TNFRSF21: variants seen among roughly 807,000 people sequenced by gnomAD.
TNFRSF21 encodes TNF receptor superfamily member 21.
TNFRSF21 carries 19 observed loss-of-function variants against 45.6 expected under a neutral mutation model. The ratio of observed to expected loss-of-function variants is 0.42; its 90% confidence interval spans 0.29 to 0.61. The LOEUF is 0.61. TNFRSF21 is among the 20% of genes least tolerant of loss of function. The probability of loss-of-function intolerance (pLI) is 0.23; values close to 1 mark genes in which losing one functional copy is unlikely to be tolerated. For missense variants in TNFRSF21, 737 were observed against 851.5 expected (o/e 0.87, Z 1.67); for synonymous variants, 314 against 335.5 (o/e 0.94, Z 0.70).
intron 3 of TNFRSF21, among the ~76,000 whole-genome samples, chr6:47,264,340 C>T (rs1217060664): frequency 3.9e-5 from 6 of 152,064 alleles, no homozygotes; most frequent in East Asian, 3.9e-4. Flanking sequence ...CCAGCTTGGC[C>T]GACATGGCGA....
intron 3 of TNFRSF21, among the ~76,000 whole-genome samples, chr6:47,270,961 TAGAGAAAAA>T (rs1762405964): frequency 6.6e-6 from 1 of 151,950 alleles, no homozygotes; most frequent in Non-Finnish European, 1.5e-5. Context: ...ATGACAAGGT[TAGAGAAAAA>T]AGAGTAAAAA....
intron 3 of TNFRSF21, among the ~76,000 whole-genome samples, chr6:47,258,010 C>T (rs555769146): frequency 3.3e-5 from 5 of 152,254 alleles, no homozygotes; most frequent in African/African-American, 4.8e-5. Context: ...CTAGGATGAA[C>T]GCACTCAAGG....
chr6:47,262,705 G>C (rs1275139907), intron 3 of TNFRSF21, among the ~76,000 whole-genome samples: 1 of 152,188 alleles, frequency 6.6e-6, no homozygotes, highest in Admixed American at 6.5e-5. Context: ...TCTGGGCAAA[G>C]GGAGCAGCAG....
chr6:47,253,688 G>C (rs1430605047), intron 3 of TNFRSF21, among the ~76,000 whole-genome samples, 167 bp from the exon 4 acceptor site: 1 of 152,216 alleles, frequency 6.6e-6, no homozygotes, highest in Non-Finnish European at 1.5e-5. Context: ...AGCTCATCTT[G>C]TGGACTAGCT....
intron 3 of TNFRSF21, among the ~76,000 whole-genome samples, chr6:47,268,813 A>T (rs1762372464): frequency 6.6e-6 from 1 of 152,044 alleles, no homozygotes; most frequent in Non-Finnish European, 1.5e-5. Context: ...CATCTACCCT[A>T]TGCCCCTGAT....
chr6:47,246,673 T>A (rs1225933885), intron 4 of TNFRSF21, among the ~76,000 whole-genome samples: 1 of 152,202 alleles, frequency 6.6e-6, no homozygotes, highest in East Asian at 1.9e-4. Flanking sequence ...AAAACAAGGA[T>A]GTAAGTAAAA....
intron 3 of TNFRSF21, among the ~76,000 whole-genome samples, chr6:47,255,487 G>A (rs1032006305): frequency 6.6e-6 from 1 of 151,240 alleles, no homozygotes; most frequent in African/African-American, 2.4e-5. Context: ...TTGAGATGAA[G>A]TTTTGCTCTT....
At chr6:47,267,159 T>G (rs1762345737) in intron 3 of TNFRSF21, among the ~76,000 whole-genome samples, 1 of 151,730 alleles carries the variant, frequency 6.6e-6, no homozygotes, top group East Asian at 1.9e-4. Flanking sequence ...AGTGCAGTGG[T>G]GAGATCTCGG....
intron 3 of TNFRSF21, among the ~76,000 whole-genome samples, chr6:47,261,489 C>T (rs1330371066): frequency 2.0e-5 from 3 of 152,238 alleles, no homozygotes; most frequent in African/African-American, 7.2e-5. Flanking sequence ...CCACTGAGAA[C>T]CTGAGTGGCC....
intron 3 of TNFRSF21, among the ~76,000 whole-genome samples, chr6:47,260,331 C>T (rs1313655020): frequency 6.6e-6 from 1 of 152,194 alleles, no homozygotes; most frequent in African/African-American, 2.4e-5. Context: ...CAGGGCATCA[C>T]AGCAGTACTC....
rs182508558 is a variant in TNFRSF21 at position 47,283,371 on chromosome 6, T to G, written c.1243+567A>C. ...CTGGGGTCTACAATCCAAAAGACCA[T>G]CCTACCCTCCTGATAGACATGGGAT... On this transcript the variant is annotated intron_variant, in intron 3 of 5. Coordinates refer to ENST00000296861, the MANE Select transcript of TNFRSF21 (RefSeq NM_014452.5). Among the ~76,000 whole-genome samples, 554 of 152,268 alleles carry G rather than the reference T, an allele frequency of 3.6e-3. 7 individuals are homozygous for G. Among genetic ancestry groups the G allele is most frequent in the African/African-American group, 0.013 (537 of 41,554 alleles).
chr6:47,246,308 T>C (rs1264090773), intron 4 of TNFRSF21, among the ~76,000 whole-genome samples: 2 of 152,236 alleles, frequency 1.3e-5, no homozygotes, highest in Non-Finnish European at 2.9e-5. Flanking sequence ...AGAATTCAAA[T>C]TCCAACACAG....
chr6:47,292,522 C>G (rs1762742588), intron 1 of TNFRSF21, among the ~76,000 whole-genome samples: 1 of 152,104 alleles, frequency 6.6e-6, no homozygotes, highest in African/African-American at 2.4e-5. Flanking sequence ...TTTTGGACAC[C>G]CTGAACTAAG....
At chr6:47,292,474 T>C (rs894723805) in intron 1 of TNFRSF21, among the ~76,000 whole-genome samples, 2 of 152,200 alleles carry the variant, frequency 1.3e-5, no homozygotes, top group African/African-American at 4.8e-5. Context: ...GTTCATTTTA[T>C]TTTTAAGCTT....
intron 4 of TNFRSF21, among the ~76,000 whole-genome samples, chr6:47,244,694 T>C (rs1266785007): frequency 6.6e-6 from 1 of 152,204 alleles, no homozygotes; most frequent in South Asian, 2.1e-4. Flanking sequence ...AGTCCAACTG[T>C]AGATCGATCA....
At chr6:47,305,701 C>G in intron 1 of TNFRSF21, among the ~76,000 whole-genome samples, 1 of 152,202 alleles carries the variant, frequency 6.6e-6, no homozygotes, top group East Asian at 1.9e-4. Flanking sequence ...TCTAGGCAAA[C>G]GCACAGCTGG....
At chr6:47,285,828 A>C in intron 2 of TNFRSF21, 116 bp downstream of exon 2, 1 of 1,192,698 alleles carries the variant, frequency 8.4e-7, no homozygotes, top group Non-Finnish European at 1.2e-6. Flanking sequence ...CCTCTCTCCA[A>C]GGGGTGACTT....
In TNFRSF21 at chr6:47,235,004, T is replaced by C. The variant is rs1764646579; in HGVS notation, c.1510-106A>G. 5.3e-6 allele frequency: 3 copies of C among 571,332 alleles called. No homozygotes were observed. The East Asian group carries it at 1.0e-4, about 20-fold the overall frequency. 35.4% of individuals were successfully genotyped at this position (571,332 alleles called of 1,614,324 possible). On this transcript the variant is annotated intron_variant, in intron 4 of 5. Transcript: ENST00000296861. ...TTTGTTCCATTTAACATTTTATATA[T>C]ACATCCTCCCACTTCAGTTGACCTT...
intron 3 of TNFRSF21, among the ~76,000 whole-genome samples, chr6:47,261,553 A>G (rs897977451): frequency 6.6e-6 from 1 of 152,176 alleles, no homozygotes; most frequent in African/African-American, 2.4e-5. Context: ...TAGCCTCTAT[A>G]ATAATGAGAA....
Sources: gnomAD v4.1 joint callset for allele counts (sites outside exome capture counted in the v4.1 genomes callset) on GRCh38, gnomAD v4.1.1 for gene constraint, MANE v1.5 for transcripts, NCBI Gene and HGNC (gene_info 2026-07-23, HGNC 2026-07-21) for gene names.